Variants in MTHFD1 observed in about 807,000 individuals in gnomAD.
The protein encoded by MTHFD1 is methylenetetrahydrofolate dehydrogenase, cyclohydrolase and formyltetrahydrofolate synthetase 1, also known as C-1-tetrahydrofolate synthase, cytoplasmic.
Under a neutral mutation model 110.3 loss-of-function variants are expected in MTHFD1, and 44 were observed. The ratio of observed to expected loss-of-function variants is 0.40; its 90% CI spans 0.31 to 0.51. The LOEUF is 0.51. Ranked by LOEUF, MTHFD1 falls within the 20% of genes least tolerant of loss-of-function variation. The probability of loss-of-function intolerance (pLI) is 0.60; values close to 1 mark genes in which losing one functional copy is unlikely to be tolerated. For missense variants in MTHFD1, 909 were observed against 1,173.1 expected (o/e 0.77, Z 3.29); for synonymous variants, 402 against 428.8 (o/e 0.94, Z 0.77).
chr14:64,453,228 T>C (rs1435368303), intron 24 of MTHFD1, among the ~76,000 whole-genome samples: 1 of 152,160 alleles, frequency 6.6e-6, no homozygotes, highest in Non-Finnish European at 1.5e-5. Flanking sequence ...ATAAAAACTT[T>C]ACCTCTGTGG....
chr14:64,445,697 C>G (rs2078284498), intron 22 of MTHFD1, among the ~76,000 whole-genome samples: 1 of 152,186 alleles, frequency 6.6e-6, no homozygotes, highest in African/African-American at 2.4e-5. Context: ...TTGTCTGATT[C>G]ACGCGTAGGA....
intron 16 of MTHFD1, among the ~76,000 whole-genome samples, chr14:64,436,968 T>G (rs1218445602): frequency 6.6e-6 from 1 of 152,180 alleles, no homozygotes; most frequent in African/African-American, 2.4e-5. Flanking sequence ...AAGGGTTGGC[T>G]TTAACAACAC....
chr14:64,455,545 G>T (rs921825859), intron 26 of MTHFD1, among the ~76,000 whole-genome samples: 6 of 152,110 alleles, frequency 3.9e-5, no homozygotes, highest in African/African-American at 1.2e-4. Flanking sequence ...AGGTTAACTT[G>T]GATCCTGAAT....
chr14:64,410,485 C>G (rs1439668281), intron 2 of MTHFD1, among the ~76,000 whole-genome samples: 1 of 152,138 alleles, frequency 6.6e-6, no homozygotes, highest in African/African-American at 2.4e-5. Context: ...CTTGGCCTCC[C>G]AAAGTGCAGG....
At chr14:64,449,819 T>G (rs2078341392) in intron 24 of MTHFD1, among the ~76,000 whole-genome samples, 197 bp downstream of exon 24, 1 of 152,210 alleles carries the variant, frequency 6.6e-6, no homozygotes, top group Non-Finnish European at 1.5e-5. Context: ...GACGGAGTCT[T>G]GCTCTTTTGC....
rs147356754 is a variant in MTHFD1 at position 64,392,964 on chromosome 14, T to C, written c.41+4496T>C. 3.5e-3 allele frequency among the ~76,000 whole-genome samples: 534 copies of C among 152,350 alleles called. 3 individuals are homozygous for C. Among genetic ancestry groups the C allele is most frequent in the South Asian group, 0.019 (91 of 4,834 alleles). On this transcript the variant is annotated intron_variant, in intron 1 of 27. Transcript: ENST00000652337. Reference sequence around the variant, plus strand: ...TTGGAACCTTGGCTGTACATTTAGCTACAGGGCTAGAAGAACTGTTTTTGT... The same window carrying C: ...TTGGAACCTTGGCTGTACATTTAGCCACAGGGCTAGAAGAACTGTTTTTGT...
intron 2 of MTHFD1, among the ~76,000 whole-genome samples, chr14:64,401,611 G>C (rs1412724671): frequency 2.0e-5 from 3 of 151,074 alleles, no homozygotes; most frequent in African/African-American, 7.3e-5. Context: ...GCTGAGGCAG[G>C]AGAATCACTT....
At chr14:64,446,676 C>T (rs902284846) in intron 22 of MTHFD1, among the ~76,000 whole-genome samples, 4 of 151,948 alleles carry the variant, frequency 2.6e-5, no homozygotes, top group Admixed American at 2.0e-4. Flanking sequence ...CAAGAAGCTG[C>T]GACTACAAGC....
Position 64,454,804 on chromosome 14 carries a change from G to A in MTHFD1, c.2647G>A (p.Gly883Ser), listed in dbSNP as rs773261399. ...HNPEQKGVPT[G>S]FILPIRDIRA... ...CCCAGAGCAAAAAGGTGTCCCTACAGGCTTCATTCTGCCCATTCGCGACAT... is the reference window on the plus strand; with the variant it reads ...CCCAGAGCAAAAAGGTGTCCCTACAAGCTTCATTCTGCCCATTCGCGACAT... Residue 883 changes from glycine (G) to serine (S), a missense_variant, in exon 26 of 28, where the codon GGC becomes AGC. This residue lies in a region of MTHFD1 where 482 missense variants were observed against 646.0 expected (regional missense o/e 0.75). Coordinates refer to ENST00000652337, the MANE Select transcript of MTHFD1 (RefSeq NM_005956.4). 2.5e-6 allele frequency: 4 copies of A among 1,614,186 alleles called. No homozygotes were observed. The highest frequency in any genetic ancestry group is 3.3e-5 in the Admixed American group (2 of 60,028).
intron 12 of MTHFD1, among the ~76,000 whole-genome samples, chr14:64,428,114 T>G (rs1316154830): frequency 1.4e-5 from 2 of 145,728 alleles, no homozygotes; most frequent in African/African-American, 2.5e-5. Context: ...TTTTTTTTTT[T>G]TTTTTTTTTT....
chr14:64,393,219 G>A (rs889362643), intron 1 of MTHFD1, among the ~76,000 whole-genome samples: 1 of 152,128 alleles, frequency 6.6e-6, no homozygotes, highest in African/African-American at 2.4e-5. Context: ...GACTAACATG[G>A]TGAAACCCCA....
intron 22 of MTHFD1, 37 bp from the exon 23 acceptor site, chr14:64,448,180 C>T (rs893105182): frequency 1.3e-6 from 2 of 1,502,706 alleles, no homozygotes; most frequent in East Asian, 2.3e-5. Flanking sequence ...GTTTTCAACT[C>T]TCTGATCTCA....
chr14:64,411,326 G>A (rs931643937), intron 3 of MTHFD1, among the ~76,000 whole-genome samples, 177 bp downstream of exon 3: 4 of 152,154 alleles, frequency 2.6e-5, no homozygotes, highest in Non-Finnish European at 4.4e-5. Flanking sequence ...TGGTTTGCCC[G>A]TGAGTTTTTG....
chr14:64,458,382 C>T lies in MTHFD1; in HGVS notation c.*4+75C>T, dbSNP rs189061862. ...TTATGAATTATAGGGCTCAAACTGA[C>T]GCTATAAAAATTCACATTCTAATGC... On this transcript the variant is annotated intron_variant, in intron 27 of 27. Coordinates refer to ENST00000652337, the MANE Select transcript of MTHFD1 (RefSeq NM_005956.4). 58 of 979,652 alleles carry T rather than the reference C, an allele frequency of 5.9e-5. No individual in the cohort carries two copies. In the Admixed American group the frequency reaches 7.3e-4, roughly 12 times the overall value. 60.7% of individuals were successfully genotyped at this position (979,652 alleles called of 1,614,324 possible). A position where few individuals can be genotyped will look rare whatever the true frequency, so the allele number is the denominator to read the frequency against.
In MTHFD1 at chr14:64,412,483, A is replaced by G. The variant is rs1356838114; in HGVS notation, c.198A>G (p.Lys66=). The G allele has an allele frequency of 6.2e-7, 1 of 1,613,528 alleles. No homozygotes were observed. The highest frequency in any genetic ancestry group is 1.1e-5 in the South Asian group (1 of 91,072). The change falls in exon 4 of 28, where the codon AAA becomes AAG. Residue 66 remains lysine, a synonymous_variant. Transcript: ENST00000652337. ...KLKAAEEIGI[K]ATHIKLPRTT... is the part of the protein sequence containing the mutation. The stretch of plus-strand genomic sequence containing the variant: ...TGTCTGTTTTGCAGATTGGGATCAA[A>G]GCCACTCACATTAAGTTACCAAGAA...
chr14:64,433,204 C>T (rs2078174413), intron 15 of MTHFD1, among the ~76,000 whole-genome samples: 1 of 152,168 alleles, frequency 6.6e-6, no homozygotes, highest in African/African-American at 2.4e-5. Flanking sequence ...TCACTGCAAC[C>T]TCCACCTCTC....
intron 22 of MTHFD1, among the ~76,000 whole-genome samples, chr14:64,446,615 C>T (rs545017639): frequency 3.1e-4 from 47 of 149,946 alleles, no homozygotes; most frequent in Non-Finnish European, 5.8e-4. Context: ...GATCTCGGCT[C>T]ACTGCAAGCT....
intron 1 of MTHFD1, among the ~76,000 whole-genome samples, chr14:64,393,881 A>G (rs1273246961): frequency 2.0e-5 from 3 of 152,146 alleles, no homozygotes; most frequent in African/African-American, 7.2e-5. Context: ...GGTTGGTAGA[A>G]TAGAGGTTAA....
chr14:64,447,225 A>T (rs2078297629), intron 22 of MTHFD1, among the ~76,000 whole-genome samples: 1 of 139,888 alleles, frequency 7.1e-6, no homozygotes, highest in Admixed American at 7.6e-5. Flanking sequence ...GTGCAATTTC[A>T]ACTCACTGCA....
Sources: gnomAD v4.1 joint callset for allele counts (sites outside exome capture counted in the v4.1 genomes callset) on GRCh38, gnomAD v4.1.1 for gene constraint, gnomAD v4.1.1 regional missense constraint, MANE v1.5 for transcripts, NCBI Gene and HGNC (gene_info 2026-07-23, HGNC 2026-07-21) for gene names.